FRMPD3: variants seen among roughly 807,000 people sequenced by gnomAD.
FRMPD3 encodes FERM and PDZ domain-containing protein 3.
Under a neutral mutation model 97.9 loss-of-function variants are expected in FRMPD3, and 42 were observed. The observed-to-expected ratio is 0.43, with a 90% confidence interval of 0.34 to 0.55. The LOEUF is 0.55. Ranked by LOEUF, FRMPD3 falls within the 20% of genes least tolerant of loss-of-function variation. The probability of loss-of-function intolerance (pLI) is 0.03; values close to 1 mark genes in which losing one functional copy is unlikely to be tolerated. For synonymous variants in FRMPD3, 577 were observed against 581.1 expected (o/e 0.99, Z 0.10); for missense variants, 1,303 against 1,457.7 (o/e 0.89, Z 1.73).
At chrX:107,553,275 A>C (rs1294495243) in intron 7 of FRMPD3, among the ~76,000 whole-genome samples, 2 of 108,190 alleles carry the variant, frequency 1.8e-5, no homozygotes, top group Non-Finnish European at 3.8e-5. Flanking sequence ...GGCCTTTTGC[A>C]TGAAGGCTGT....
intron 1 of FRMPD3, among the ~76,000 whole-genome samples, chrX:107,456,499 T>C (rs1234113849): frequency 8.9e-6 from 1 of 112,222 alleles, no homozygotes; most frequent in African/African-American, 3.2e-5. Flanking sequence ...ATTCCTAATA[T>C]TTCTCTATGC....
At chrX:107,477,152 A>G (rs771827838) in intron 1 of FRMPD3, among the ~76,000 whole-genome samples, 8 of 112,841 alleles carry the variant, frequency 7.1e-5, no homozygotes, top group Non-Finnish European at 1.5e-4. Flanking sequence ...GGTAGCATAT[A>G]TGTCTCTTCT....
rs145906008 is a variant in FRMPD3 at position 107,471,023 on chromosome X, C to T, written c.-8+21018C>T. On this transcript the variant is annotated intron_variant, in intron 1 of 14. Transcript: ENST00000683843. Reference sequence around the variant, plus strand: ...GAAAGCCCAGCGCTATGGGCGTGGCCAGGGAATAAGGAGAAAGCTAGGATG... The same window carrying T: ...GAAAGCCCAGCGCTATGGGCGTGGCTAGGGAATAAGGAGAAAGCTAGGATG... Among the ~76,000 whole-genome samples, 118 of 112,425 alleles carry T rather than the reference C, an allele frequency of 1.0e-3. 1 individual carries two copies. Among genetic ancestry groups the T allele is most frequent in the Non-Finnish European group, 1.9e-3 (101 of 53,205 alleles).
intron 10 of FRMPD3, 148 bp downstream of exon 10, chrX:107,561,001 G>A: frequency 1.7e-6 from 1 of 599,794 alleles, no homozygotes; most frequent in Non-Finnish European, 2.4e-6. Flanking sequence ...CAGGTGTGGG[G>A]CAGTTGTGGA....
intron 1 of FRMPD3, among the ~76,000 whole-genome samples, chrX:107,458,549 CT>C (rs1290030052): frequency 1.8e-5 from 2 of 111,012 alleles, no homozygotes; most frequent in African/African-American, 6.6e-5. Context: ...AGGGAAAAGG[CT>C]GGAGATGGAA....
chrX:107,592,763 T>A (rs1417413652), intron 13 of FRMPD3, among the ~76,000 whole-genome samples: 6 of 100,886 alleles, frequency 5.9e-5, no homozygotes, highest in Middle Eastern at 4.3e-3. Flanking sequence ...CCAACACATA[T>A]TTTTTTTTTA....
intron 1 of FRMPD3, among the ~76,000 whole-genome samples, chrX:107,488,898 A>G (rs1235010601): frequency 5.5e-5 from 6 of 108,695 alleles, no homozygotes; most frequent in Non-Finnish European, 1.1e-4. Flanking sequence ...GGTTTGTTAC[A>G]TATGTATACA....
chrX:107,567,326 T>C (rs761561314), intron 12 of FRMPD3, among the ~76,000 whole-genome samples: 1 of 111,941 alleles, frequency 8.9e-6, no homozygotes, highest in South Asian at 3.7e-4. Flanking sequence ...TAAAATGTCT[T>C]AGCATACTGC....
At chrX:107,547,265 T>C (rs961669231) in intron 5 of FRMPD3, among the ~76,000 whole-genome samples, 3 of 111,499 alleles carry the variant, frequency 2.7e-5, no homozygotes, top group African/African-American at 9.8e-5. Flanking sequence ...AGGCTTATCC[T>C]ATGCCATCTC....
intron 6 of FRMPD3, among the ~76,000 whole-genome samples, chrX:107,550,426 T>TG (rs1921817469): frequency 8.9e-6 from 1 of 112,430 alleles, no homozygotes; most frequent in Non-Finnish European, 1.9e-5. Flanking sequence ...TTGCGTTACA[T>TG]GGGGTCCTTC....
chrX:107,562,254 A>G (rs5962847), intron 10 of FRMPD3, among the ~76,000 whole-genome samples: 16,835 of 112,029 alleles, frequency 0.15, 2,672 homozygotes, highest in African/African-American at 0.48. Context: ...AGGGGTGAAG[A>G]TAGGGGCAAG....
intron 13 of FRMPD3, among the ~76,000 whole-genome samples, chrX:107,595,842 G>T (rs1440351806): frequency 9.2e-6 from 1 of 108,652 alleles, no homozygotes; most frequent in African/African-American, 3.4e-5. Context: ...GGAGGCTGAG[G>T]CAGGAGAATC....
At chrX:107,503,812 G>A (rs780012014) in intron 1 of FRMPD3, among the ~76,000 whole-genome samples, 1 of 112,084 alleles carries the variant, frequency 8.9e-6, no homozygotes, top group African/African-American at 3.2e-5. Flanking sequence ...GCAAGCTGGG[G>A]TAGGCATGGG....
intron 6 of FRMPD3, among the ~76,000 whole-genome samples, chrX:107,550,561 T>C (rs1044422438): frequency 5.3e-5 from 6 of 112,214 alleles, no homozygotes; most frequent in Non-Finnish European, 3.8e-5. Context: ...TCTTGGGAGA[T>C]TAGCTTAGTT....
At chrX:107,530,243 G>A (rs752779028) in intron 2 of FRMPD3, among the ~76,000 whole-genome samples, 166 bp from the exon 3 acceptor site, 103 of 112,240 alleles carry the variant, frequency 9.2e-4, no homozygotes, top group Non-Finnish European at 1.6e-3. Context: ...GGCAGCAACA[G>A]CAGCAGAGAG....
chrX:107,602,983 G>C lies in FRMPD3; in HGVS notation c.4944G>C (p.Val1648=). The C allele has an allele frequency of 8.3e-7, 1 of 1,211,300 alleles. No homozygotes were observed. The highest frequency in any genetic ancestry group is 1.1e-6 in the Non-Finnish European group (1 of 895,491). Residue 1648 remains valine (V), a synonymous_variant, in exon 15 of 15, where the codon GTG becomes GTC. Transcript: ENST00000683843. ...LRASCRRVAN[V]DKSPTHMLAA... Reference sequence around the variant, plus strand: ...CCTCCTGCCGCCGTGTGGCCAATGTGGACAAGAGCCCAACTCACATGCTGG... The same window carrying C: ...CCTCCTGCCGCCGTGTGGCCAATGTCGACAAGAGCCCAACTCACATGCTGG...
intron 5 of FRMPD3, among the ~76,000 whole-genome samples, chrX:107,548,342 A>G (rs1921709013): frequency 1.8e-5 from 2 of 112,589 alleles, no homozygotes; most frequent in Non-Finnish European, 3.7e-5. Flanking sequence ...TGTTGGGCAT[A>G]CAGTAGAGGT....
intron 1 of FRMPD3, among the ~76,000 whole-genome samples, chrX:107,499,039 C>T (rs1025865206): frequency 9.1e-6 from 1 of 110,225 alleles, no homozygotes; most frequent in African/African-American, 3.3e-5. Flanking sequence ...TCAAAGAGCA[C>T]TTATCGAGTA....
chrX:107,601,415 C>T lies in FRMPD3; in HGVS notation c.3376C>T (p.Arg1126Ter). ...SKLEETSLVPRATYPMALQSP... is the reference protein window; with the variant it reads ...SKLEETSLVP ...GCTCGAAGAGACCAGCCTGGTTCCC[C>T]GAGCTACCTACCCCATGGCTCTGCA... Residue 1126 changes from arginine (R) to a stop codon, truncating the protein, a stop_gained, in exon 15 of 15, where the codon CGA becomes TGA. Coordinates refer to ENST00000683843, the MANE Select transcript of FRMPD3 (RefSeq NM_001388459.1). LOFTEE classifies it high-confidence loss of function. The T allele has an allele frequency of 5.9e-6, 7 of 1,192,072 alleles. No individual in the cohort carries two copies. The highest frequency in any genetic ancestry group is 1.8e-5 in the South Asian group (1 of 54,845).
Sources: gnomAD v4.1 joint callset for allele counts (sites outside exome capture counted in the v4.1 genomes callset) on GRCh38, gnomAD v4.1.1 for gene constraint, MANE v1.5 for transcripts, NCBI Gene and HGNC (gene_info 2026-07-23, HGNC 2026-07-21) for gene names.